ANKFN1: variants seen among roughly 807,000 people sequenced by gnomAD.
The protein encoded by ANKFN1 is ankyrin repeat and fibronectin type-III domain-containing protein 1.
In ANKFN1, 74 loss-of-function variants were observed where a neutral mutation model predicts 108.7. The observed-to-expected ratio is 0.68, with a 90% confidence interval of 0.56 to 0.83. The LOEUF is 0.83. ANKFN1 is among the 40% of genes least tolerant of loss of function. ANKFN1 has a pLI of 0.00. For synonymous variants in ANKFN1, 547 were observed against 516.2 expected (o/e 1.06, Z -0.81); for missense variants, 1,505 against 1,382.3 (o/e 1.09, Z -1.41).
intron 8 of ANKFN1, among the ~76,000 whole-genome samples, chr17:56,434,958 T>C (rs980665050): frequency 6.6e-6 from 1 of 152,194 alleles, no homozygotes; most frequent in Admixed American, 6.5e-5. Flanking sequence ...AATGCTGTTT[T>C]GGTTCCATCG....
chr17:56,502,861 C>T (rs2051418806), intron 20 of ANKFN1, among the ~76,000 whole-genome samples: 1 of 152,180 alleles, frequency 6.6e-6, no homozygotes, highest in African/African-American at 2.4e-5. Flanking sequence ...TGTTGAGTAT[C>T]TTGAATTGGT....
At chr17:56,277,179 C>T (rs2043957049) in intron 3 of ANKFN1, among the ~76,000 whole-genome samples, 1 of 152,120 alleles carries the variant, frequency 6.6e-6, no homozygotes, top group African/African-American at 2.4e-5. Flanking sequence ...GTTAATTATT[C>T]CTACAGTGTT....
chr17:56,307,264 A>G (rs2044857859), intron 3 of ANKFN1, among the ~76,000 whole-genome samples: 2 of 152,232 alleles, frequency 1.3e-5, no homozygotes, highest in South Asian at 2.1e-4. Context: ...GCACAGCAAA[A>G]GAAACTACCA....
At chr17:56,268,871 G>T (rs190710519) in intron 3 of ANKFN1, among the ~76,000 whole-genome samples, 1 of 151,948 alleles carries the variant, frequency 6.6e-6, no homozygotes, top group African/African-American at 2.4e-5. Flanking sequence ...TATTAAATGT[G>T]TATGTCATCC....
chr17:56,395,175 A>C (rs2047543544), intron 8 of ANKFN1, among the ~76,000 whole-genome samples: 1 of 152,204 alleles, frequency 6.6e-6, no homozygotes, highest in African/African-American at 2.4e-5. Flanking sequence ...AATTTTGAAG[A>C]AATTTTAATG....
chr17:56,197,499 CAT>C (rs1237950795), intron 1 of ANKFN1, among the ~76,000 whole-genome samples: 1 of 152,174 alleles, frequency 6.6e-6, no homozygotes, highest in African/African-American at 2.4e-5. Context: ...TGTCTAGACA[CAT>C]AGTACACACA....
Position 56,481,881 on chromosome 17 carries a change from T to C in ANKFN1, c.2092-475T>C, listed in dbSNP as rs28687848. On this transcript the variant is annotated intron_variant, in intron 17 of 20. Coordinates refer to ENST00000682825, the MANE Select transcript of ANKFN1 (RefSeq NM_001370326.1). ...CAGGTTTGAAGCAGCTCATATTTCA[T>C]TGGTGACTCTTGGGCTACATATACA... Among the ~76,000 whole-genome samples the C allele has an allele frequency of 8.3e-3, 1,268 of 152,280 alleles. 18 individuals carry two copies. The highest frequency in any genetic ancestry group is 0.029 in the African/African-American group (1,201 of 41,548).
intron 1 of ANKFN1, among the ~76,000 whole-genome samples, chr17:56,166,723 C>G (rs988785489): frequency 6.6e-6 from 1 of 152,170 alleles, no homozygotes; most frequent in African/African-American, 2.4e-5. Flanking sequence ...TCCCTTGAAG[C>G]TGGACATGAC....
At chr17:56,095,584 G>A (rs527258834) in intron 4 of ANKFN1, among the ~76,000 whole-genome samples, 2 of 141,510 alleles carry the variant, frequency 1.4e-5, no homozygotes, top group African/African-American at 5.1e-5. Context: ...CTACAGGCAA[G>A]AGCCATCACA....
chr17:56,458,240 A>C lies in ANKFN1; in HGVS notation c.1557+261A>C, dbSNP rs182519396. On this transcript the variant is annotated intron_variant, in intron 14 of 20. Coordinates refer to ENST00000682825, the MANE Select transcript of ANKFN1 (RefSeq NM_001370326.1). The stretch of plus-strand genomic sequence containing the variant: ...GGAGTAACTCATTAAACAAGGAGTA[A>C]GGAGACTTGAGTTCTAGATTTGATA... 1.9e-3 allele frequency among the ~76,000 whole-genome samples: 284 copies of C among 152,256 alleles called. 1 individual carries two copies. The highest frequency in any genetic ancestry group is 6.6e-3 in the African/African-American group (273 of 41,554).
intron 8 of ANKFN1, among the ~76,000 whole-genome samples, chr17:56,403,786 C>T (rs2047835054): frequency 6.6e-6 from 1 of 152,018 alleles, no homozygotes; most frequent in East Asian, 1.9e-4. Context: ...TAAAGAGCTT[C>T]TGTTTTGATG....
Position 56,456,846 on chromosome 17 carries a change from T to A in ANKFN1, c.1208-15T>A, listed in dbSNP as rs770386682. ...CCAGTGGAATTTATACTGTATTTTT[T>A]AAAATACATTCCAGAAAGCACAAAA... On this transcript the variant is annotated splice_polypyrimidine_tract_variant and intron_variant, in intron 11 of 20. Coordinates refer to ENST00000682825, the MANE Select transcript of ANKFN1 (RefSeq NM_001370326.1). 125 of 1,606,802 alleles carry A rather than the reference T, an allele frequency of 7.8e-5. No homozygotes were observed. Among genetic ancestry groups the A allele is most frequent in the Admixed American group, 4.5e-4 (27 of 59,978 alleles).
At chr17:56,451,353 C>T (rs2049480125) in intron 11 of ANKFN1, among the ~76,000 whole-genome samples, 1 of 152,108 alleles carries the variant, frequency 6.6e-6, no homozygotes, top group African/African-American at 2.4e-5. Context: ...TTACCTCATA[C>T]ACACACAAAA....
At chr17:56,323,345 A>G (rs1167244826) in intron 3 of ANKFN1, 1 of 152,610 alleles carries the variant, frequency 6.6e-6, no homozygotes, top group Non-Finnish European at 1.5e-5. Flanking sequence ...AACCAGAGAA[A>G]TCTTCCTAAA....
At chr17:56,096,832 A>G (rs1364202173) in intron 4 of ANKFN1, among the ~76,000 whole-genome samples, 1 of 152,218 alleles carries the variant, frequency 6.6e-6, no homozygotes, top group African/African-American at 2.4e-5. Flanking sequence ...TTGCAGCAAT[A>G]TTCACAATAG....
chr17:56,505,587 G>T (rs192115499), intron 20 of ANKFN1, among the ~76,000 whole-genome samples: 163 of 152,290 alleles, frequency 1.1e-3, no homozygotes, highest in African/African-American at 3.3e-3. Context: ...CATACATACT[G>T]CATGCTCTCT....
chr17:56,489,481 G>A (rs2050962034), intron 18 of ANKFN1, among the ~76,000 whole-genome samples: 1 of 151,604 alleles, frequency 6.6e-6, no homozygotes, highest in Admixed American at 6.6e-5. Flanking sequence ...CACAAGAGCG[G>A]GGAAACTGAA....
At chr17:56,155,148 G>C (rs913361207) in intron 1 of ANKFN1, among the ~76,000 whole-genome samples, 3 of 152,194 alleles carry the variant, frequency 2.0e-5, no homozygotes, top group African/African-American at 7.2e-5. Flanking sequence ...GCAAAAAGTG[G>C]CTCAGAGACT....
At chr17:56,091,031 T>A (rs182987378) in intron 4 of ANKFN1, among the ~76,000 whole-genome samples, 6 of 151,492 alleles carry the variant, frequency 4.0e-5, no homozygotes, top group African/African-American at 1.2e-4. Context: ...ACTATGAGCA[T>A]CTTCAGGGCA....
Sources: gnomAD v4.1 joint callset for allele counts (sites outside exome capture counted in the v4.1 genomes callset) on GRCh38, gnomAD v4.1.1 for gene constraint, MANE v1.5 for transcripts, NCBI Gene and HGNC (gene_info 2026-07-23, HGNC 2026-07-21) for gene names.